Variants in AP3D1 observed in about 807,000 individuals in gnomAD.
The protein encoded by AP3D1 is adaptor related protein complex 3 subunit delta 1.
Under a neutral mutation model 147.6 loss-of-function variants are expected in AP3D1, and 51 were observed. The observed-to-expected ratio is 0.35, with a 90% CI of 0.28 to 0.44. The LOEUF (loss-of-function observed/expected upper bound fraction) is 0.44. AP3D1 is among the 20% of genes least tolerant of loss of function. The pLI, the probability that AP3D1 is intolerant of heterozygous loss-of-function variation, is 1.00. For synonymous variants in AP3D1, 760 were observed against 663.0 expected, an observed-to-expected ratio of 1.15 and a Z score of -2.25; for missense variants, 1,421 against 1,624.2, an observed-to-expected ratio of 0.87 and a Z score of 2.15.
At chr19:2,109,459 G>A (rs561612113) in intron 29 of AP3D1, 6 of 519,260 alleles carry the variant, frequency 1.2e-5, no homozygotes, top group East Asian at 6.7e-5. Flanking sequence ...GCCCTCCTCC[G>A]ACAAGGACGG....
chr19:2,137,864 T>C lies in AP3D1; in HGVS notation c.193-57A>G, dbSNP rs550247659. ...CAAGCCAAAGCAGAGAGAAAGGTTT[T>C]GAGCCGCGGCATCAAGCGCTCCCTC... is the stretch of plus-strand genomic sequence containing the variant. On this transcript the variant is annotated intron_variant, in intron 2 of 31. Coordinates refer to ENST00000643116, the MANE Select transcript of AP3D1 (RefSeq NM_001261826.3). 545 of 1,565,804 alleles carry C rather than the reference T, an allele frequency of 3.5e-4. 3 individuals carry two copies. In the South Asian group the frequency reaches 5.6e-3, roughly 16 times the overall value.
chr19:2,115,180 G>T (rs757698569), intron 20 of AP3D1, 39 bp downstream of exon 20: 1 of 1,586,278 alleles, frequency 6.3e-7, no homozygotes, highest in African/African-American at 1.3e-5. Flanking sequence ...CATGCGGAAA[G>T]ATAGACATCC....
intron 15 of AP3D1, among the ~76,000 whole-genome samples, chr19:2,118,385 G>A (rs1344995743): frequency 6.6e-6 from 1 of 152,162 alleles, no homozygotes; most frequent in Admixed American, 6.5e-5. Flanking sequence ...CAGCACCCCA[G>A]AGACCTGCCC....
chr19:2,112,969 T>C lies in AP3D1; in HGVS notation c.2680-2A>G. The C allele has an allele frequency of 6.2e-7, 1 of 1,606,656 alleles. No individual in the cohort carries two copies. The highest frequency in any genetic ancestry group is 8.5e-7 in the Non-Finnish European group (1 of 1,176,548). On this transcript the variant is annotated splice_acceptor_variant, in intron 23 of 31. Coordinates refer to ENST00000643116, the MANE Select transcript of AP3D1 (RefSeq NM_001261826.3). LOFTEE classifies it high-confidence loss of function. ...GACAGTGTTCACACTGAGCTCCCCC[T>C]GCAGGGAGCCAGGGCTTGGGGCTCA...
intron 18 of AP3D1, 42 bp downstream of exon 18, chr19:2,116,165 G>A (rs1426289536): frequency 5.6e-6 from 9 of 1,599,992 alleles, no homozygotes; most frequent in Admixed American, 1.7e-5. Context: ...GGTGGTGAGG[G>A]TAGAGGGTGC....
At chr19:2,154,338 G>C (rs1295056553), upstream of AP3D1, among the ~76,000 whole-genome samples, 2 of 148,778 alleles carry the variant, frequency 1.3e-5, no homozygotes, top group Non-Finnish European at 3.0e-5. Context: ...GGAGTGCAGT[G>C]GCTCAATCTT....
At chr19:2,113,809 G>A (rs1026783402) in intron 22 of AP3D1, among the ~76,000 whole-genome samples, 2 of 152,242 alleles carry the variant, frequency 1.3e-5, no homozygotes, top group African/African-American at 4.8e-5. Context: ...AGACACTGCA[G>A]AAACGGTTCT....
intron 1 of AP3D1, among the ~76,000 whole-genome samples, chr19:2,143,572 G>A (rs759455094): frequency 1.3e-5 from 2 of 151,904 alleles, no homozygotes; most frequent in Non-Finnish European, 2.9e-5. Flanking sequence ...TTTGTGTAGA[G>A]AGGAGGTTTT....
intron 25 of AP3D1, 37 bp from the exon 26 acceptor site, chr19:2,111,369 CG>C: frequency 6.2e-7 from 1 of 1,612,682 alleles, no homozygotes; most frequent in Non-Finnish European, 8.5e-7. Context: ...TTGGGGGCCC[CG>C]AGCTCCGTCT....
rs560023488 is a variant in AP3D1, at chr19:2,119,179, G to A, written c.1482-347C>T. Among the ~76,000 whole-genome samples, 24 of 152,348 alleles carry A rather than the reference G, an allele frequency of 1.6e-4. No individual in the cohort carries two copies. In the South Asian group the frequency reaches 4.3e-3, roughly 28 times the overall value. ...GGGAGACCCTGATCTGTGGGACAGT[G>A]GGGCCTCGGGGTGCGCCTCACTGGC... On this transcript the variant is annotated intron_variant, in intron 14 of 31. Transcript: ENST00000643116.
chr19:2,121,304 T>C lies in AP3D1; in HGVS notation c.1109A>G (p.Lys370Arg), dbSNP rs759452741. ...CTTCACGATCTCCATCAGGTTCTTC[T>C]TGGACACCTGGGCAAAAGTGTACAG... ...ALDLLYGMVS[K>R]KNLMEIVKKL... is the part of the protein sequence containing the mutation. The change falls in exon 13 of 32, where the codon AAG (lysine) becomes AGG (arginine). Residue 370 changes from lysine to arginine, a missense_variant. By Grantham distance (26) the Lys-to-Arg change is conservative. Coordinates refer to ENST00000643116, the MANE Select transcript of AP3D1 (RefSeq NM_001261826.3). 3.1e-6 allele frequency: 5 copies of C among 1,614,014 alleles called. No homozygotes were observed. Among genetic ancestry groups the C allele is most frequent in the African/African-American group, 1.3e-5 (1 of 74,928 alleles).
intron 25 of AP3D1, 83 bp downstream of exon 25, chr19:2,111,596 G>T (rs142590416): frequency 3.4e-6 from 5 of 1,474,610 alleles, no homozygotes; most frequent in Middle Eastern, 2.4e-4. Context: ...GTTCTCTCCC[G>T]CATGGAGGCT....
At chr19:2,144,963 G>A (rs928226501) in intron 1 of AP3D1, among the ~76,000 whole-genome samples, 2 of 152,200 alleles carry the variant, frequency 1.3e-5, no homozygotes, top group Non-Finnish European at 2.9e-5. Flanking sequence ...CACAGAGACA[G>A]CAGGTCAGTG....
upstream of AP3D1, among the ~76,000 whole-genome samples, chr19:2,156,492 C>T (rs1312726708): frequency 6.6e-6 from 1 of 152,086 alleles, no homozygotes; most frequent in Non-Finnish European, 1.5e-5. Flanking sequence ...CCGATCCACT[C>T]ACCCACTAAC....
At chr19:2,155,144 G>A (rs887360716), upstream of AP3D1, among the ~76,000 whole-genome samples, 1 of 152,010 alleles carries the variant, frequency 6.6e-6, no homozygotes, top group Non-Finnish European at 1.5e-5. Flanking sequence ...TCGCGCCATT[G>A]CACTCCAGCC....
chr19:2,117,151 C>T (rs113528844), intron 16 of AP3D1, 71 bp downstream of exon 16: 36 of 1,505,194 alleles, frequency 2.4e-5, no homozygotes, highest in African/African-American at 2.1e-4. Context: ...CAGGAGCCCC[C>T]GCTGTGCCAC....
chr19:2,141,861 T>C (rs2144532994), intron 1 of AP3D1, among the ~76,000 whole-genome samples: 1 of 151,854 alleles, frequency 6.6e-6, no homozygotes, highest in South Asian at 2.1e-4. Context: ...CACCTCAGTA[T>C]TTGGGAGTAC....
intron 22 of AP3D1, among the ~76,000 whole-genome samples, 153 bp from the exon 23 acceptor site, chr19:2,113,566 G>A (rs1247445184): frequency 6.6e-6 from 1 of 152,340 alleles, no homozygotes; most frequent in East Asian, 1.9e-4. Flanking sequence ...TCCAGGAGCT[G>A]AAGGCGATGT....
At chr19:2,131,279 G>A (rs1394848726) in intron 5 of AP3D1, among the ~76,000 whole-genome samples, 1 of 152,230 alleles carries the variant, frequency 6.6e-6, no homozygotes, top group Non-Finnish European at 1.5e-5. Context: ...AGGTGGACAG[G>A]CAGCCACATG....
Sources: gnomAD v4.1 joint callset for allele counts (sites outside exome capture counted in the v4.1 genomes callset) on GRCh38, gnomAD v4.1.1 for gene constraint, MANE v1.5 for transcripts, NCBI Gene and HGNC (gene_info 2026-07-23, HGNC 2026-07-21) for gene names.